Variants in FNIP1 observed in about 807,000 individuals in gnomAD.
The protein encoded by FNIP1 is folliculin interacting protein 1.
A neutral mutation model predicts 124.5 loss-of-function variants in FNIP1; 40 were observed. The ratio of observed to expected loss-of-function variants is 0.32; its 90% CI spans 0.25 to 0.42. FNIP1 has a LOEUF of 0.42. FNIP1 is among the 10% of genes least tolerant of loss of function. FNIP1 has a pLI of 1.00. For synonymous variants in FNIP1, 472 were observed against 470.6 expected (o/e 1.00, Z -0.04); for missense variants, 1,176 against 1,403.7 (o/e 0.84, Z 2.59).
At chr5:131,728,825 T>C (rs1580790433) in intron 3 of FNIP1, among the ~76,000 whole-genome samples, 1 of 152,174 alleles carries the variant, frequency 6.6e-6, no homozygotes, top group Non-Finnish European at 1.5e-5. Flanking sequence ...TATTTATCTA[T>C]CTTTGGTCTT....
At chr5:131,724,720 CA>C (rs1375942740) in intron 3 of FNIP1, among the ~76,000 whole-genome samples, 4 of 152,162 alleles carry the variant, frequency 2.6e-5, no homozygotes, top group African/African-American at 9.7e-5. Flanking sequence ...TCCCATTTGT[CA>C]ATTTTGGCTT....
chr5:131,693,317 C>CATATATATATATATATAT lies in FNIP1; in HGVS notation c.1202+5599_1202+5600insATATATATATATATATAT, dbSNP rs1561658252. ...ATATACATATATATATATATATATA[C>CATATATATATATATATAT]ACATATATATATATACATATATATA... On this transcript the variant is annotated intron_variant, in intron 11 of 17. Transcript: ENST00000510461. 4.1e-4 allele frequency among the ~76,000 whole-genome samples: 17 copies of CATATATATATATATATAT among 41,588 alleles called. No homozygotes were observed. The South Asian group carries it at 7.8e-3, about 19-fold the overall frequency. 27.3% of individuals were successfully genotyped at this position (41,588 alleles called of 152,430 possible).
chr5:131,665,594 G>GT lies in FNIP1; in HGVS notation c.3108+4868dup, dbSNP rs1258920994. Among the ~76,000 whole-genome samples, 1,092 of 139,442 alleles carry GT rather than the reference G, an allele frequency of 7.8e-3. 10 individuals are homozygous for GT. The highest frequency in any genetic ancestry group is 0.018 in the African/African-American group (678 of 38,252). 91.5% of individuals were successfully genotyped at this position (139,442 alleles called of 152,430 possible). A position where few individuals can be genotyped will look rare whatever the true frequency, so the allele number is the denominator to read the frequency against. ...AAAAAATATATATATATATAGATAG[G>GT]TTTTTTTTTTTTTTTGAGATGGAGT... On this transcript the variant is annotated intron_variant, in intron 15 of 17. Coordinates refer to ENST00000510461, the MANE Select transcript of FNIP1 (RefSeq NM_133372.3).
chr5:131,669,878 T>G (rs1450800457), intron 15 of FNIP1, among the ~76,000 whole-genome samples: 1 of 148,698 alleles, frequency 6.7e-6, no homozygotes, highest in Non-Finnish European at 1.5e-5. Flanking sequence ...ACCACTTCCA[T>G]GCAACATTGT....
At chr5:131,791,400 G>T (rs114050740) in intron 1 of FNIP1, among the ~76,000 whole-genome samples, 113 of 152,164 alleles carry the variant, frequency 7.4e-4, no homozygotes, top group Middle Eastern at 3.4e-3. Flanking sequence ...CAACCAGGTA[G>T]GTAACTTTGA....
chr5:131,754,354 A>C (rs7736479), intron 1 of FNIP1, among the ~76,000 whole-genome samples: 1 of 152,254 alleles, frequency 6.6e-6, no homozygotes, highest in Admixed American at 6.5e-5. Flanking sequence ...GGTGTGCATA[A>C]GCAGGTCAGG....
intron 15 of FNIP1, among the ~76,000 whole-genome samples, chr5:131,652,509 C>T (rs1005801768): frequency 9.2e-5 from 14 of 152,184 alleles, no homozygotes; most frequent in Admixed American, 9.2e-4. Flanking sequence ...CACACGCCAC[C>T]ACGCCTGACT....
chr5:131,750,969 A>T (rs1470943860), intron 1 of FNIP1, among the ~76,000 whole-genome samples: 1 of 152,132 alleles, frequency 6.6e-6, no homozygotes, highest in Non-Finnish European at 1.5e-5. Flanking sequence ...GCTTCACTGG[A>T]TATGTGGTCT....
Position 131,731,048 on chromosome 5 carries a change from C to A in FNIP1, c.220-10G>T, listed in dbSNP as rs1203356163. 2 of 1,594,054 alleles carry A rather than the reference C, an allele frequency of 1.3e-6. No individual in the cohort carries two copies. The highest frequency in any genetic ancestry group is 1.7e-6 in the Non-Finnish European group (2 of 1,173,824). The stretch of plus-strand genomic sequence containing the variant: ...CATCACTGCCGAGTTTCTGAAATAA[C>A]AGATATTTCCACTCATGTTTTAACA... On this transcript the variant is annotated splice_polypyrimidine_tract_variant and intron_variant, in intron 2 of 17. Coordinates refer to ENST00000510461, the MANE Select transcript of FNIP1 (RefSeq NM_133372.3).
At chr5:131,774,251 C>T (rs2149579508) in intron 1 of FNIP1, among the ~76,000 whole-genome samples, 1 of 152,316 alleles carries the variant, frequency 6.6e-6, no homozygotes. Context: ...TGGTCTTGAA[C>T]TCTTGGCCTC....
chr5:131,686,263 A>G (rs952700339), intron 11 of FNIP1, among the ~76,000 whole-genome samples: 2 of 152,240 alleles, frequency 1.3e-5, no homozygotes, highest in Non-Finnish European at 2.9e-5. Context: ...TTGAACAGTA[A>G]TTGTGTAAGA....
At chr5:131,740,625 C>G (rs997897423) in intron 2 of FNIP1, among the ~76,000 whole-genome samples, 3 of 152,170 alleles carry the variant, frequency 2.0e-5, no homozygotes, top group African/African-American at 7.2e-5. Context: ...GTGTTCATAT[C>G]GAAACCATAT....
chr5:131,790,604 T>G (rs1414456249), intron 1 of FNIP1, among the ~76,000 whole-genome samples: 1 of 152,102 alleles, frequency 6.6e-6, no homozygotes, highest in Non-Finnish European at 1.5e-5. Flanking sequence ...TAAATCTTGA[T>G]GCTTAACACT....
At chr5:131,765,207 G>A (rs1771378039) in intron 1 of FNIP1, among the ~76,000 whole-genome samples, 1 of 152,062 alleles carries the variant, frequency 6.6e-6, no homozygotes, top group Non-Finnish European at 1.5e-5. Flanking sequence ...GGATGACAGA[G>A]GGAGACCTTG....
At chr5:131,736,182 G>A (rs369030183) in intron 2 of FNIP1, among the ~76,000 whole-genome samples, 7 of 152,124 alleles carry the variant, frequency 4.6e-5, no homozygotes, top group South Asian at 4.1e-4. Context: ...ATAAAAATAC[G>A]GGTATTTTTA....
chr5:131,789,045 G>A (rs1025669339), intron 1 of FNIP1, among the ~76,000 whole-genome samples: 3 of 152,072 alleles, frequency 2.0e-5, no homozygotes, highest in Non-Finnish European at 4.4e-5. Flanking sequence ...AATGGATAAA[G>A]AAAATGTCGT....
At chr5:131,712,036 G>A (rs557447082) in intron 6 of FNIP1, among the ~76,000 whole-genome samples, 1 of 152,142 alleles carries the variant, frequency 6.6e-6, no homozygotes, top group South Asian at 2.1e-4. Flanking sequence ...CATACACACA[G>A]TAGAATTAAC....
At chr5:131,694,668 G>A (rs532045764) in intron 11 of FNIP1, among the ~76,000 whole-genome samples, 1 of 152,224 alleles carries the variant, frequency 6.6e-6, no homozygotes, top group South Asian at 2.1e-4. Context: ...CTATAATGGT[G>A]TGTATATGAC....
Position 131,644,388 on chromosome 5 carries a change from T to C in FNIP1, c.*297A>G, listed in dbSNP as rs1310701414. 8.0e-6 allele frequency: 2 copies of C among 249,614 alleles called. No individual in the cohort carries two copies. Among genetic ancestry groups the C allele is most frequent in the East Asian group, 2.2e-4 (2 of 9,220 alleles). The allele number at this position is 249,614 out of a possible 1,614,324, so 15.5% of individuals were successfully genotyped here. On this transcript the variant is annotated 3_prime_UTR_variant, in exon 18 of 18. Coordinates refer to ENST00000510461, the MANE Select transcript of FNIP1 (RefSeq NM_133372.3). ...ACACTGCAGTGATCACATGAAACTCTTGATAATATTCATTTTGTAGAAATT... is the reference window on the plus strand; with the variant it reads ...ACACTGCAGTGATCACATGAAACTCCTGATAATATTCATTTTGTAGAAATT...
Sources: gnomAD v4.1 joint callset for allele counts (sites outside exome capture counted in the v4.1 genomes callset) on GRCh38, gnomAD v4.1.1 for gene constraint, MANE v1.5 for transcripts, NCBI Gene and HGNC (gene_info 2026-07-23, HGNC 2026-07-21) for gene names.